ENTPD3: variants seen among roughly 807,000 people sequenced by gnomAD.
The protein encoded by ENTPD3 is CD39 antigen-like 3.
Under a neutral mutation model 51.2 loss-of-function variants are expected in ENTPD3, and 60 were observed. That is an observed-to-expected ratio of 1.17 (90% confidence interval 0.95 to 1.45). The LOEUF is 1.45. ENTPD3 is among the 40% of genes most tolerant of loss of function. The pLI, the probability that ENTPD3 is intolerant of heterozygous loss-of-function variation, is 0.00. For missense variants in ENTPD3, 593 were observed against 641.1 expected (o/e 0.93, Z 0.81); for synonymous variants, 221 against 238.4 (o/e 0.93, Z 0.67).
intron 4 of ENTPD3, among the ~76,000 whole-genome samples, chr3:40,403,586 T>C (rs1339951566): frequency 1.3e-5 from 2 of 152,102 alleles, no homozygotes; most frequent in Non-Finnish European, 2.9e-5. Context: ...ATAAGTCTAT[T>C]TGAAGGGGTA....
intron 6 of ENTPD3, among the ~76,000 whole-genome samples, chr3:40,415,100 G>A (rs912353479): frequency 3.3e-5 from 5 of 152,120 alleles, no homozygotes; most frequent in African/African-American, 4.8e-5. Flanking sequence ...ATTGAAGGGG[G>A]TGGGATCTAA....
intron 3 of ENTPD3, among the ~76,000 whole-genome samples, chr3:40,397,626 T>C (rs1359458947): frequency 6.6e-6 from 1 of 152,176 alleles, no homozygotes; most frequent in Non-Finnish European, 1.5e-5. Flanking sequence ...ATAGTAATAA[T>C]GATAATAATA....
intron 3 of ENTPD3, chr3:40,392,659 A>G (rs1181500403): frequency 6.5e-6 from 1 of 153,246 alleles, no homozygotes; most frequent in Non-Finnish European, 1.5e-5. Flanking sequence ...AACCCTGATA[A>G]TGAGTAAAGA....
intron 4 of ENTPD3, among the ~76,000 whole-genome samples, chr3:40,411,491 G>A (rs570306154): frequency 1.6e-4 from 25 of 152,096 alleles, no homozygotes; most frequent in South Asian, 4.2e-4. Context: ...AATAAGAGTC[G>A]ATCATTGTTG....
chr3:40,388,685 A>C (rs1414805037), intron 2 of ENTPD3, among the ~76,000 whole-genome samples: 2 of 152,036 alleles, frequency 1.3e-5, no homozygotes, highest in Admixed American at 6.6e-5. Context: ...GTGGAAGCCC[A>C]GAAGGCTCTG....
chr3:40,416,107 T>TAA, intron 7 of ENTPD3, 34 bp downstream of exon 7: 1 of 1,536,244 alleles, frequency 6.5e-7, no homozygotes. Flanking sequence ...TGGCAGGTGT[T>TAA]CTCTTGAGGG....
chr3:40,409,625 G>C (rs773010871), intron 4 of ENTPD3, among the ~76,000 whole-genome samples: 20 of 152,182 alleles, frequency 1.3e-4, no homozygotes, highest in Non-Finnish European at 2.9e-4. Flanking sequence ...GGTTAAGAAA[G>C]GGCAGCTGAA....
Position 40,422,812 on chromosome 3 carries a change from A to G in ENTPD3, c.832-38A>G, listed in dbSNP as rs530590366. 134 of 1,567,884 alleles carry G rather than the reference A, an allele frequency of 8.5e-5. 1 individual carries two copies. In the South Asian group the frequency reaches 1.4e-3, roughly 17 times the overall value. ...TTGCTATTGTGAATAGTGCCGCAAT[A>G]AACATACGTGTCTAACACCTTACTC... On this transcript the variant is annotated intron_variant, in intron 7 of 10. Coordinates refer to ENST00000301825, the MANE Select transcript of ENTPD3 (RefSeq NM_001248.4).
rs1189633357 is a variant in ENTPD3, at chr3:40,427,393, C to T, written c.1475C>T (p.Ala492Val). The T allele has an allele frequency of 6.2e-6, 10 of 1,613,974 alleles. No individual in the cohort carries two copies. Among genetic ancestry groups the T allele is most frequent in the Non-Finnish European group, 7.6e-6 (9 of 1,180,042 alleles). Residue 492 changes from alanine (A) to valine (V), a missense_variant, in exon 11 of 11, where the codon GCT (alanine) becomes GTT (valine). By Grantham distance (64) the Ala-to-Val change is moderately conservative (BLOSUM62 0). Transcript: ENST00000301825. ...IEPPVFVGTL[A>V]FFTAAALLCL... ...CCACCTGTCTTTGTGGGCACCCTCGCTTTCTTCACAGCGGCAGCCTTGCTG... is the reference window on the plus strand; with the variant it reads ...CCACCTGTCTTTGTGGGCACCCTCGTTTTCTTCACAGCGGCAGCCTTGCTG...
At chr3:40,422,568 T>G (rs1203311063) in intron 7 of ENTPD3, among the ~76,000 whole-genome samples, 1 of 143,752 alleles carries the variant, frequency 7.0e-6, no homozygotes, top group Non-Finnish European at 1.5e-5. Context: ...CCATGTGTTC[T>G]CATTGTTCAA....
chr3:40,410,118 T>C (rs1194083114), intron 4 of ENTPD3, among the ~76,000 whole-genome samples: 1 of 152,174 alleles, frequency 6.6e-6, no homozygotes, highest in East Asian at 1.9e-4. Flanking sequence ...AAAATCGTTT[T>C]TTAAAAAGTA....
intron 10 of ENTPD3, among the ~76,000 whole-genome samples, chr3:40,426,352 G>A (rs938936176): frequency 1.1e-4 from 16 of 151,726 alleles, no homozygotes; most frequent in South Asian, 2.1e-4. Context: ...AGGTGATCCC[G>A]CCTCGGCCTC....
intron 7 of ENTPD3, 47 bp downstream of exon 7, chr3:40,416,120 T>G: frequency 7.1e-7 from 1 of 1,412,382 alleles, no homozygotes; most frequent in Non-Finnish European, 9.9e-7. Context: ...CTTGAGGGTT[T>G]GAGCTGAGGG....
chr3:40,416,184 T>C (rs1955744558), intron 7 of ENTPD3, 111 bp downstream of exon 7: 2 of 735,186 alleles, frequency 2.7e-6, no homozygotes, highest in Admixed American at 2.5e-5. Context: ...GAAAGGTAGA[T>C]GGAAATAACA....
intron 3 of ENTPD3, 99 bp downstream of exon 3, chr3:40,392,249 TC>T: frequency 1.4e-6 from 2 of 1,411,504 alleles, no homozygotes; most frequent in Non-Finnish European, 9.7e-7. Flanking sequence ...GAAAATCCTT[TC>T]CCCCCATCTC....
At chr3:40,421,998 A>T (rs1955883439) in intron 7 of ENTPD3, among the ~76,000 whole-genome samples, 1 of 152,144 alleles carries the variant, frequency 6.6e-6, no homozygotes, top group Admixed American at 6.6e-5. Flanking sequence ...GTGATATTCT[A>T]CTTAAAATGA....
Position 40,427,647 on chromosome 3 carries a change from T to C in ENTPD3, c.*139T>C. 1.5e-6 allele frequency: 1 copy of C among 662,500 alleles called. No individual in the cohort carries two copies. The highest frequency in any genetic ancestry group is 2.7e-6 in the Non-Finnish European group (1 of 374,704). 41.0% of individuals were successfully genotyped at this position (662,500 alleles called of 1,614,324 possible). A position where few individuals can be genotyped will look rare whatever the true frequency, so the allele number is the denominator to read the frequency against. ...CCTAGGTCACGTGCCTCTCAAATAC[T>C]GATTTCTGCCACAGCACCTCTTGAG... is the stretch of plus-strand genomic sequence containing the variant. On this transcript the variant is annotated 3_prime_UTR_variant, in exon 11 of 11. Coordinates refer to ENST00000301825, the MANE Select transcript of ENTPD3 (RefSeq NM_001248.4).
At chr3:40,404,591 TGGA>T (rs1955448739) in intron 4 of ENTPD3, among the ~76,000 whole-genome samples, 1 of 139,076 alleles carries the variant, frequency 7.2e-6, no homozygotes, top group East Asian at 2.7e-4. Flanking sequence ...CACAGAGTCA[TGGA>T]GGCCACAGCA....
At chr3:40,424,204 T>C in intron 10 of ENTPD3, 1 of 981,010 alleles carries the variant, frequency 1.0e-6, no homozygotes, top group Non-Finnish European at 1.2e-6. Flanking sequence ...TAGGCGGTCC[T>C]GGAGGGCAGA....
Sources: allele counts gnomAD v4.1 joint callset (sites outside exome capture counted in the v4.1 genomes callset), GRCh38; gene constraint gnomAD v4.1.1; transcripts MANE v1.5; gene names NCBI Gene and HGNC (gene_info 2026-07-23, HGNC 2026-07-21).